The following PTPRN2 variants were observed in gnomAD, a reference collection of about 807,000 sequenced individuals.
PTPRN2 encodes protein tyrosine phosphatase receptor type N2, also known as receptor-type tyrosine-protein phosphatase N2.
A neutral mutation model predicts 118.8 loss-of-function variants in PTPRN2; 74 were observed. That is an observed-to-expected ratio of 0.62 (90% CI 0.52 to 0.76). PTPRN2 has a LOEUF of 0.76. Ranked by LOEUF, PTPRN2 falls within the 30% of genes least tolerant of loss-of-function variation. The probability of loss-of-function intolerance (pLI) is 0.00; values close to 1 mark genes in which losing one functional copy is unlikely to be tolerated. For synonymous variants in PTPRN2, 641 were observed against 608.0 expected, an observed-to-expected ratio of 1.05 and a Z score of -0.80; for missense variants, 1,481 against 1,394.4, an observed-to-expected ratio of 1.06 and a Z score of -0.99.
At chr7:158,329,595 G>T (rs10156158) in intron 2 of PTPRN2, among the ~76,000 whole-genome samples, 63,203 of 152,156 alleles carry the variant, frequency 0.42, 13,385 homozygotes, top group Middle Eastern at 0.47. Context: ...CCAGGGCGGT[G>T]ACCTTGGCTT....
intron 4 of PTPRN2, among the ~76,000 whole-genome samples, chr7:158,203,717 G>C (rs1392246113): frequency 3.9e-5 from 6 of 152,150 alleles, no homozygotes; most frequent in African/African-American, 1.4e-4. Context: ...CAAGGTCATT[G>C]GGGCAGTGCA....
intron 2 of PTPRN2, among the ~76,000 whole-genome samples, chr7:158,406,563 G>A (rs1055622755): frequency 9.8e-5 from 15 of 152,336 alleles, no homozygotes; most frequent in Admixed American, 2.6e-4. Context: ...CATCATCATC[G>A]GCTCCTTCCC....
In PTPRN2 at chr7:158,525,455, G is replaced by T. The variant is rs1202976045; in HGVS notation, c.113-35670C>A. Among the ~76,000 whole-genome samples the T allele has an allele frequency of 6.6e-6, 1 of 152,144 alleles. No individual in the cohort carries two copies. Among genetic ancestry groups the T allele is most frequent in the Non-Finnish European group, 1.5e-5 (1 of 68,032 alleles). On this transcript the variant is annotated intron_variant, in intron 1 of 22. Coordinates refer to ENST00000389418, the MANE Select transcript of PTPRN2 (RefSeq NM_002847.5). The surrounding 1 kb of genome is among the most constrained non-coding windows in gnomAD (Gnocchi z 4.1). ...ACTTAAGGACGGAAAGTGGGACCAAGGCTGAGCCGCTCCGCACCCCTCGCT... is the reference window on the plus strand; with the variant it reads ...ACTTAAGGACGGAAAGTGGGACCAATGCTGAGCCGCTCCGCACCCCTCGCT...
rs909027576 is a variant in PTPRN2 at position 157,808,483 on chromosome 7, T to C, written c.1788+90190A>G. On this transcript the variant is annotated intron_variant, in intron 12 of 22. Coordinates refer to ENST00000389418, the MANE Select transcript of PTPRN2 (RefSeq NM_002847.5). The surrounding 1 kb of genome is among the most constrained non-coding windows in gnomAD (Gnocchi z 5.0). ...CTTGAGCCCTGTTGTGAACTGTGCA[T>C]GTGAGGGATCCAGGTTGCACGCTCC... Among the ~76,000 whole-genome samples, 4 of 152,158 alleles carry C rather than the reference T, an allele frequency of 2.6e-5. No individual in the cohort carries two copies. The highest frequency in any genetic ancestry group is 9.7e-5 in the African/African-American group (4 of 41,428).
At chr7:157,639,444 G>A (rs1055055834) in intron 14 of PTPRN2, among the ~76,000 whole-genome samples, 1 of 152,210 alleles carries the variant, frequency 6.6e-6, no homozygotes, top group Non-Finnish European at 1.5e-5. Flanking sequence ...TGTGTAATTT[G>A]CATGGCATGT....
rs1313066743 is a variant in PTPRN2 at position 157,610,447 on chromosome 7, C to T, written c.2345-6372G>A. ...CGGTGTCTTGCTCCTAGAGGGAGTC[C>T]TGACTCCAGCAGAGAACATGTTCCG... On this transcript the variant is annotated intron_variant, in intron 15 of 22. Transcript: ENST00000389418. The surrounding 1 kb of genome is among the most constrained non-coding windows in gnomAD (Gnocchi z 5.1). 1.3e-5 allele frequency among the ~76,000 whole-genome samples: 2 copies of T among 152,206 alleles called. No homozygotes were observed. Among genetic ancestry groups the T allele is most frequent in the African/African-American group, 4.8e-5 (2 of 41,454 alleles).
At chr7:158,196,504 AG>A (rs976301441) in intron 4 of PTPRN2, among the ~76,000 whole-genome samples, 4 of 152,178 alleles carry the variant, frequency 2.6e-5, no homozygotes, top group Admixed American at 6.5e-5. Context: ...AGGAGGGGTG[AG>A]GGCTCCTGAG....
intron 11 of PTPRN2, among the ~76,000 whole-genome samples, chr7:158,019,175 G>T (rs992485360): frequency 6.6e-6 from 1 of 152,196 alleles, no homozygotes; most frequent in African/African-American, 2.4e-5. Context: ...CCCACCACGG[G>T]CTCCCAGCAC....
chr7:157,866,536 C>T (rs73746676), intron 12 of PTPRN2, among the ~76,000 whole-genome samples: 4,960 of 152,184 alleles, frequency 0.033, 257 homozygotes, highest in African/African-American at 0.11. Flanking sequence ...AGCGCATGTG[C>T]CTCTCAGCCC....
chr7:158,043,706 C>T (rs947917993), intron 11 of PTPRN2, among the ~76,000 whole-genome samples: 7 of 152,200 alleles, frequency 4.6e-5, no homozygotes, highest in Non-Finnish European at 1.0e-4. Context: ...ATTTATAAAC[C>T]TACTCACCAG....
chr7:157,850,383 G>A (rs894890519), intron 12 of PTPRN2, among the ~76,000 whole-genome samples: 2 of 148,534 alleles, frequency 1.3e-5, no homozygotes, highest in Non-Finnish European at 1.5e-5. Context: ...CATTTCCGAC[G>A]TGGGGTGCCT....
intron 3 of PTPRN2, among the ~76,000 whole-genome samples, chr7:158,231,694 A>ACT (rs1274608601): frequency 6.6e-6 from 1 of 152,180 alleles, no homozygotes; most frequent in African/African-American, 2.4e-5. Flanking sequence ...AGCATGAAGC[A>ACT]CTCTCCAGAA....
rs1440823499 is a variant in PTPRN2, at chr7:157,929,528, G to A, written c.1724-30791C>T. ...GCAGCCTGGCAGCCCAACAGAGGCT[G>A]GTCATAGTTTTTGCCCTGGAATTCC... On this transcript the variant is annotated intron_variant, in intron 11 of 22. Transcript: ENST00000389418. This position sits in a 1 kb window ranked among gnomAD's most constrained non-coding sequence, Gnocchi z 4.4. Among the ~76,000 whole-genome samples, 3 of 152,124 alleles carry A rather than the reference G, an allele frequency of 2.0e-5. No individual in the cohort carries two copies. Among genetic ancestry groups the A allele is most frequent in the Non-Finnish European group, 2.9e-5 (2 of 68,010 alleles).
intron 2 of PTPRN2, among the ~76,000 whole-genome samples, chr7:158,390,771 C>T (rs999026056): frequency 2.6e-5 from 4 of 152,234 alleles, no homozygotes; most frequent in African/African-American, 4.8e-5. Context: ...TCTCGCGCAT[C>T]GTCCCCTTAA....
At chr7:158,401,635 T>C (rs181346611) in intron 2 of PTPRN2, among the ~76,000 whole-genome samples, 3 of 152,216 alleles carry the variant, frequency 2.0e-5, no homozygotes, top group Non-Finnish European at 4.4e-5. Flanking sequence ...AAAAGGGAAA[T>C]GCTAGTTTAA....
chr7:158,407,354 G>C (rs1216114936), intron 2 of PTPRN2, among the ~76,000 whole-genome samples: 2 of 84,034 alleles, frequency 2.4e-5, no homozygotes, highest in East Asian at 4.0e-4. Flanking sequence ...CTGGGTCCTG[G>C]GTCCTGCGTC....
intron 6 of PTPRN2, among the ~76,000 whole-genome samples, chr7:158,146,252 C>T (rs1328872752): frequency 6.6e-6 from 1 of 152,096 alleles, no homozygotes; most frequent in Admixed American, 6.5e-5. Context: ...CATTTTGAAA[C>T]TATTTTCTGC....
intron 13 of PTPRN2, among the ~76,000 whole-genome samples, chr7:157,661,880 C>T (rs569736009): frequency 6.6e-6 from 1 of 152,322 alleles, no homozygotes; most frequent in African/African-American, 2.4e-5. Context: ...GAACCTGCCA[C>T]TTAGGAGAGT....
intron 9 of PTPRN2, among the ~76,000 whole-genome samples, chr7:158,120,658 C>A (rs1349887107): frequency 2.0e-5 from 3 of 152,150 alleles, no homozygotes; most frequent in Admixed American, 1.3e-4. Flanking sequence ...TAAAGAGTGG[C>A]TGCTGGAAGG....
Sources: gnomAD v4.1 joint callset for allele counts (sites outside exome capture counted in the v4.1 genomes callset) on GRCh38, gnomAD v4.1.1 for gene constraint, Gnocchi (gnomAD v3.1) non-coding constraint, MANE v1.5 for transcripts, NCBI Gene and HGNC (gene_info 2026-07-23, HGNC 2026-07-21) for gene names.